Variants in HS3ST3A1 observed in about 807,000 individuals in gnomAD.
HS3ST3A1 encodes heparan sulfate glucosamine 3-O-sulfotransferase 3A1.
In HS3ST3A1, 19 loss-of-function variants were observed where a neutral mutation model predicts 25.7. That is an observed-to-expected ratio of 0.74 (90% CI 0.52 to 1.08). The LOEUF (loss-of-function observed/expected upper bound fraction) is 1.08, where lower values mean the gene tolerates loss of function less well. Among genes scored for constraint, HS3ST3A1 ranks in the 50% least tolerant of loss-of-function variants. HS3ST3A1 has a pLI of 0.00. For synonymous variants in HS3ST3A1, 226 were observed against 278.6 expected (o/e 0.81, Z 1.88); for missense variants, 459 against 594.3 (o/e 0.77, Z 2.37).
intron 1 of HS3ST3A1, among the ~76,000 whole-genome samples, chr17:13,517,970 A>C (rs947088437): frequency 6.6e-5 from 10 of 152,196 alleles, no homozygotes; most frequent in Non-Finnish European, 1.3e-4. Context: ...ATAGAGTTTT[A>C]TTATAGTTTA....
Position 13,600,824 on chromosome 17 carries a change from G to T in HS3ST3A1, c.306C>A (p.Pro102=), listed in dbSNP as rs1394202890. 8 of 1,413,042 alleles carry T rather than the reference G, an allele frequency of 5.7e-6. No homozygotes were observed. The highest frequency in any genetic ancestry group is 6.4e-6 in the Non-Finnish European group (7 of 1,096,438). 87.5% of individuals were successfully genotyped at this position (1,413,042 alleles called of 1,614,324 possible). A position where few individuals can be genotyped will look rare whatever the true frequency, so the allele number is the denominator to read the frequency against. Residue 102 remains proline (P), a synonymous_variant, in exon 1 of 2, where the codon CCC becomes CCA. Coordinates refer to ENST00000284110, the MANE Select transcript of HS3ST3A1 (RefSeq NM_006042.3). Reference sequence around the variant, plus strand: ...CCTCCTCGCCGTCGTCGCGGGGCGCGGGCGGCCGGCGCCTCCGCCACTGCG... The same window carrying T: ...CCTCCTCGCCGTCGTCGCGGGGCGCTGGCGGCCGGCGCCTCCGCCACTGCG... ...QLPQWRRRRP[P]APRDDGEEAA...
chr17:13,573,477 G>C lies in HS3ST3A1; in HGVS notation c.599+27054C>G, dbSNP rs115422429. Among the ~76,000 whole-genome samples, 215 of 152,264 alleles carry C rather than the reference G, an allele frequency of 1.4e-3. 1 individual carries two copies. The highest frequency in any genetic ancestry group is 4.8e-3 in the African/African-American group (198 of 41,540). On this transcript the variant is annotated intron_variant, in intron 1 of 1. Transcript: ENST00000284110. ...CATTTCCACACCACCATGCTGCAAA[G>C]TTGGGAAAGTCATCATTTATGATTC...
intron 1 of HS3ST3A1, among the ~76,000 whole-genome samples, chr17:13,587,442 G>A (rs530761285): frequency 7.0e-4 from 106 of 152,358 alleles, no homozygotes; most frequent in South Asian, 1.0e-3. Context: ...GACTGAGTGA[G>A]ACTCCGTCTC....
intron 1 of HS3ST3A1, among the ~76,000 whole-genome samples, chr17:13,528,860 A>G (rs1906516651): frequency 6.6e-6 from 1 of 150,762 alleles, no homozygotes; most frequent in South Asian, 2.1e-4. Flanking sequence ...ACATGCACAA[A>G]GGCATGTTAT....
At chr17:13,499,655 G>A (rs921099407) in intron 1 of HS3ST3A1, among the ~76,000 whole-genome samples, 1 of 152,078 alleles carries the variant, frequency 6.6e-6, no homozygotes, top group African/African-American at 2.4e-5. Flanking sequence ...TGCAGAGATT[G>A]AGGCTATAGA....
At chr17:13,560,306 A>AAAAAAAAAAAAC (rs1907501206) in intron 1 of HS3ST3A1, among the ~76,000 whole-genome samples, 1 of 142,402 alleles carries the variant, frequency 7.0e-6, no homozygotes, top group Non-Finnish European at 1.5e-5. Context: ...AAAAAAAAAA[A>AAAAAAAAAAAAC]AAAAAAAAAA....
Position 13,601,094 on chromosome 17 carries a change from G to C in HS3ST3A1, c.36C>G (p.Thr12=). ...APPGPASALS[T]SAEPLSRSIF... ...TGCTGCGGGACAGCGGCTCGGCCGA[G>C]GTGGAGAGGGCACTGGCCGGGCCCG... is the stretch of plus-strand genomic sequence containing the variant. The change falls in exon 1 of 2, where the codon ACC becomes ACG. Residue 12 remains threonine, a synonymous_variant. Coordinates refer to ENST00000284110, the MANE Select transcript of HS3ST3A1 (RefSeq NM_006042.3). 6.3e-7 allele frequency: 1 copy of C among 1,591,130 alleles called. No homozygotes were observed. Among genetic ancestry groups the C allele is most frequent in the Non-Finnish European group, 8.5e-7 (1 of 1,170,298 alleles).
intron 1 of HS3ST3A1, among the ~76,000 whole-genome samples, chr17:13,549,135 C>A (rs1412443855): frequency 6.6e-6 from 1 of 152,222 alleles, no homozygotes; most frequent in Non-Finnish European, 1.5e-5. Flanking sequence ...TCTGCAGCTT[C>A]ATTCCTGAAG....
intron 1 of HS3ST3A1, among the ~76,000 whole-genome samples, chr17:13,563,704 C>T (rs556562736): frequency 6.6e-6 from 1 of 152,236 alleles, no homozygotes; most frequent in South Asian, 2.1e-4. Flanking sequence ...CCTCAGGAAA[C>T]AGCCTTTTCA....
chr17:13,532,181 T>C (rs1420238093), intron 1 of HS3ST3A1, among the ~76,000 whole-genome samples: 2 of 152,106 alleles, frequency 1.3e-5, no homozygotes, highest in South Asian at 2.1e-4. Flanking sequence ...GGCAGTTCTG[T>C]TTCAGATGAA....
At chr17:13,568,810 G>A (rs905105137) in intron 1 of HS3ST3A1, among the ~76,000 whole-genome samples, 20 of 152,176 alleles carry the variant, frequency 1.3e-4, no homozygotes, top group South Asian at 2.1e-4. Flanking sequence ...TTTTTCTTTT[G>A]CCAAAGATAC....
chr17:13,564,196 T>C (rs760413798), intron 1 of HS3ST3A1, among the ~76,000 whole-genome samples: 2 of 152,210 alleles, frequency 1.3e-5, no homozygotes, highest in African/African-American at 2.4e-5. Flanking sequence ...CTCAGCAACA[T>C]GCATTTTTAC....
At chr17:13,550,929 T>C (rs1004822340) in intron 1 of HS3ST3A1, among the ~76,000 whole-genome samples, 32 of 151,294 alleles carry the variant, frequency 2.1e-4, no homozygotes, top group Non-Finnish European at 2.7e-4. Flanking sequence ...TAGCCGGGCA[T>C]GGTGGCAGGT....
intron 1 of HS3ST3A1, among the ~76,000 whole-genome samples, chr17:13,511,960 T>C (rs887950287): frequency 3.9e-5 from 6 of 152,226 alleles, no homozygotes; most frequent in Non-Finnish European, 8.8e-5. Flanking sequence ...CTTTAATTCA[T>C]ATTTTGGATC....
intron 1 of HS3ST3A1, among the ~76,000 whole-genome samples, chr17:13,592,716 T>A (rs1298738341): frequency 6.6e-6 from 1 of 152,194 alleles, no homozygotes; most frequent in Non-Finnish European, 1.5e-5. Context: ...AAATGTAATG[T>A]GGATAAAACT....
rs562332741 is a variant in HS3ST3A1 at position 13,568,110 on chromosome 17, C to G, written c.599+32421G>C. Among the ~76,000 whole-genome samples the G allele has an allele frequency of 2.6e-5, 4 of 152,260 alleles. No homozygotes were observed. In the East Asian group the frequency reaches 5.8e-4, roughly 22 times the overall value. ...CACCCCAGTCTTCAGCAACCACTATCCTGATTAGTCAGCAGCCATCGACAC... is the reference window on the plus strand; with the variant it reads ...CACCCCAGTCTTCAGCAACCACTATGCTGATTAGTCAGCAGCCATCGACAC... On this transcript the variant is annotated intron_variant, in intron 1 of 1. Transcript: ENST00000284110.
intron 1 of HS3ST3A1, among the ~76,000 whole-genome samples, chr17:13,540,910 T>A (rs968836135): frequency 1.3e-5 from 2 of 152,216 alleles, no homozygotes; most frequent in Admixed American, 1.3e-4. Context: ...AGTGTAAAAT[T>A]TCATTTGAAC....
At chr17:13,528,167 A>G (rs1183009831) in intron 1 of HS3ST3A1, among the ~76,000 whole-genome samples, 1 of 152,184 alleles carries the variant, frequency 6.6e-6, no homozygotes, top group South Asian at 2.1e-4. Context: ...CTCCATTCCT[A>G]ATGTAATGTG....
At chr17:13,564,639 G>A (rs1907631023) in intron 1 of HS3ST3A1, among the ~76,000 whole-genome samples, 1 of 151,774 alleles carries the variant, frequency 6.6e-6, no homozygotes, top group Non-Finnish European at 1.5e-5. Flanking sequence ...GGGAGCGGGG[G>A]CTGGAGATTG....
Sources: allele counts gnomAD v4.1 joint callset (sites outside exome capture counted in the v4.1 genomes callset), GRCh38; gene constraint gnomAD v4.1.1; transcripts MANE v1.5; gene names NCBI Gene and HGNC (gene_info 2026-07-23, HGNC 2026-07-21).